Variants in TAF6L observed in about 807,000 individuals in gnomAD.
TAF6L encodes TATA-box binding protein associated factor 6 like, also known as TAF6-like RNA polymerase II p300/CBP-associated factor-associated factor 65 kDa subunit 6L.
TAF6L carries 34 observed loss-of-function variants against 57.3 expected under a neutral mutation model. The ratio of observed to expected loss-of-function variants is 0.59; its 90% CI spans 0.45 to 0.79. TAF6L has a LOEUF of 0.79. TAF6L is among the 30% of genes least tolerant of loss of function. The pLI is 0.00. For missense variants in TAF6L, 782 were observed against 853.2 expected (o/e 0.92, Z 1.04); for synonymous variants, 417 against 376.3 (o/e 1.11, Z -1.25).
chr11:62,785,514 C>T (rs895840332), intron 9 of TAF6L, among the ~76,000 whole-genome samples: 1 of 143,064 alleles, frequency 7.0e-6, no homozygotes, highest in Non-Finnish European at 1.5e-5. Context: ...ATAGGCCCAG[C>T]TGGTATTTTC....
chr11:62,771,672 G>A (rs1018621817), intron 1 of TAF6L, 182 bp downstream of exon 1: 1 of 194,606 alleles, frequency 5.1e-6, no homozygotes, highest in South Asian at 7.4e-5. Flanking sequence ...GCTAGGCCGG[G>A]TGGGAGGATG....
At chr11:62,778,151 G>T in intron 4 of TAF6L, 23 bp downstream of exon 4, 1 of 1,614,152 alleles carries the variant, frequency 6.2e-7, no homozygotes, top group Non-Finnish European at 8.5e-7. Flanking sequence ...GTCCTGCATG[G>T]GTTGGGGATG....
intron 6 of TAF6L, among the ~76,000 whole-genome samples, chr11:62,780,852 G>A (rs1410723974): frequency 2.0e-5 from 3 of 150,236 alleles, no homozygotes; most frequent in African/African-American, 4.9e-5. Context: ...CAGGAGAATC[G>A]CTTGAACCCA....
At chr11:62,776,519 C>A (rs756141207) in intron 3 of TAF6L, 49 bp downstream of exon 3, 83 of 1,571,866 alleles carry the variant, frequency 5.3e-5, no homozygotes, top group Admixed American at 8.4e-5. Flanking sequence ...GAGGCCACTT[C>A]CATGTCCAGT....
At chr11:62,780,957 C>T (rs1449127053) in intron 6 of TAF6L, among the ~76,000 whole-genome samples, 7 of 123,014 alleles carry the variant, frequency 5.7e-5, no homozygotes, top group South Asian at 5.2e-4. Context: ...AAAAAAGGGC[C>T]GGGCACGGTG....
chr11:62,771,832 T>C, intron 1 of TAF6L: 1 of 294,636 alleles, frequency 3.4e-6, no homozygotes, highest in Non-Finnish European at 6.8e-6. Flanking sequence ...ATAGGGAAAC[T>C]CCCTCCGTGC....
chr11:62,783,340 G>A (rs2084244603), intron 9 of TAF6L, among the ~76,000 whole-genome samples: 1 of 152,030 alleles, frequency 6.6e-6, no homozygotes, highest in South Asian at 2.1e-4. Context: ...CAATTAGCCT[G>A]GTGTGGTGGC....
chr11:62,772,805 C>CAA (rs770586046), intron 1 of TAF6L, among the ~76,000 whole-genome samples: 3 of 109,690 alleles, frequency 2.7e-5, no homozygotes, highest in Admixed American at 9.5e-5. Context: ...ACATCATCTC[C>CAA]AAAAAAAAAA....
At position 62,782,211 on chromosome 11, in the gene TAF6L, C is replaced by T. The variant is rs781261527; in HGVS notation, c.705C>T (p.Val235=). The T allele has an allele frequency of 3.7e-6, 6 of 1,614,100 alleles. No homozygotes were observed. The highest frequency in any genetic ancestry group is 5.1e-6 in the Non-Finnish European group (6 of 1,180,044). The change falls in exon 8 of 11, where the codon GTC becomes GTT. Residue 235 remains valine, a synonymous_variant. Coordinates refer to ENST00000294168, the MANE Select transcript of TAF6L (RefSeq NM_006473.4). ...RNPHLCLGPY[V]RCLVGSVLYC... ...CGCACCTGTGCTTGGGGCCCTATGT[C>T]CGCTGTCTGGTGGGCAGTGTCCTCT... is the stretch of plus-strand genomic sequence containing the variant.
At chr11:62,781,332 G>A (rs989410989) in intron 6 of TAF6L, among the ~76,000 whole-genome samples, 1 of 151,530 alleles carries the variant, frequency 6.6e-6, no homozygotes, top group African/African-American at 2.4e-5. Flanking sequence ...AAAAACCTAA[G>A]TGGTATTATA....
intron 6 of TAF6L, among the ~76,000 whole-genome samples, chr11:62,780,527 G>A (rs1031306761): frequency 2.6e-5 from 4 of 151,994 alleles, no homozygotes; most frequent in African/African-American, 9.6e-5. Flanking sequence ...AAAAGATCAC[G>A]CTGCTGCACT....
Position 62,787,271 on chromosome 11 carries a change from A to C in TAF6L, c.1844A>C (p.Asp615Ala). 6.4e-7 allele frequency: 1 copy of C among 1,561,060 alleles called. No homozygotes were observed. The highest frequency in any genetic ancestry group is 8.6e-7 in the Non-Finnish European group (1 of 1,161,968). The stretch of plus-strand genomic sequence containing the variant: ...CCCGCCCGCCGGTGGGCGCTCTCGG[A>C]CTACTCGCTGTACTTGCCGCTCTGA... ...SRPARRWALS[D>A]YSLYLPL Residue 615 changes from aspartate (D) to alanine (A), a missense_variant, in exon 11 of 11, where the codon GAC becomes GCC. This residue lies in a region of TAF6L where 483 missense variants were observed against 445.1 expected (regional missense o/e 1.09). Transcript: ENST00000294168.
At chr11:62,776,322 G>A in intron 2 of TAF6L, 62 bp from the exon 3 acceptor site, 2 of 1,551,946 alleles carry the variant, frequency 1.3e-6, no homozygotes, top group Non-Finnish European at 1.8e-6. Context: ...CACTTCATTT[G>A]GGGTTTCCCA....
intron 3 of TAF6L, among the ~76,000 whole-genome samples, chr11:62,777,355 C>G (rs895010629): frequency 6.6e-6 from 1 of 152,004 alleles, no homozygotes; most frequent in African/African-American, 2.4e-5. Flanking sequence ...AAAGACTAAA[C>G]GCACACATAA....
At chr11:62,781,449 A>T (rs560714511) in intron 6 of TAF6L, among the ~76,000 whole-genome samples, 1 of 151,976 alleles carries the variant, frequency 6.6e-6, no homozygotes, top group Non-Finnish European at 1.5e-5. Context: ...TGAGGTGGGC[A>T]GATCACGAGG....
At position 62,776,430 on chromosome 11, in the gene TAF6L, T is replaced by G. The variant is rs1183584576; in HGVS notation, c.194T>G (p.Val65Gly). The G allele has an allele frequency of 2.5e-6, 4 of 1,613,796 alleles. No homozygotes were observed. Among genetic ancestry groups the G allele is most frequent in the Non-Finnish European group, 3.4e-6 (4 of 1,179,800 alleles). The change falls in exon 3 of 11, where the codon GTT (valine) becomes GGT (glycine). Residue 65 changes from valine to glycine, a missense_variant. This residue lies in a region of TAF6L where 220 missense variants were observed against 252.1 expected (regional missense o/e 0.87). Coordinates refer to ENST00000294168, the MANE Select transcript of TAF6L (RefSeq NM_006473.4). ...MKHTKRRKLT[V>G]EDFNRALRWS... Reference sequence around the variant, plus strand: ...CACACCAAACGCCGGAAGCTGACGGTTGAGGACTTCAACAGGGCCCTCAGA... The same window carrying G: ...CACACCAAACGCCGGAAGCTGACGGGTGAGGACTTCAACAGGGCCCTCAGA...
intron 9 of TAF6L, among the ~76,000 whole-genome samples, chr11:62,783,491 A>T (rs1483329422): frequency 1.3e-5 from 2 of 152,062 alleles, no homozygotes; most frequent in East Asian, 1.9e-4. Flanking sequence ...CAAAAAAAAA[A>T]AAAAGTTAGG....
intron 6 of TAF6L, 135 bp downstream of exon 6, chr11:62,779,098 G>A (rs573140961): frequency 3.8e-5 from 25 of 665,272 alleles, no homozygotes; most frequent in East Asian, 3.2e-4. Context: ...TCAGCTCACC[G>A]CACCCTCTGC....
Position 62,786,718 on chromosome 11 carries a change from C to T in TAF6L, c.1291C>T (p.Pro431Ser), listed in dbSNP as rs2084281290. Reference sequence around the variant, plus strand: ...GCCAGGGGGCGCGGGGCCGGAGGACCCTTCTCTTTCGGTGACCCTGGCCGA... The same window carrying T: ...GCCAGGGGGCGCGGGGCCGGAGGACTCTTCTCTTTCGGTGACCCTGGCCGA... ...LPPGGAGPED[P>S]SLSVTLADIY... The change falls in exon 11 of 11, where the codon CCT (proline) becomes TCT (serine). Residue 431 changes from proline (P) to serine (S), a missense_variant. Physicochemically the swap from Pro to Ser is moderately conservative, Grantham distance 74. Coordinates refer to ENST00000294168, the MANE Select transcript of TAF6L (RefSeq NM_006473.4). 1 of 1,612,974 alleles carries T rather than the reference C, an allele frequency of 6.2e-7. No homozygotes were observed. The highest frequency in any genetic ancestry group is 8.5e-7 in the Non-Finnish European group (1 of 1,179,768).
Sources: allele counts gnomAD v4.1 joint callset (sites outside exome capture counted in the v4.1 genomes callset), GRCh38; gene constraint gnomAD v4.1.1; regional missense constraint gnomAD v4.1.1; transcripts MANE v1.5; gene names NCBI Gene and HGNC (gene_info 2026-07-23, HGNC 2026-07-21).